GMPS: variants seen among roughly 807,000 people sequenced by gnomAD.
The protein encoded by GMPS is guanosine monophosphate synthase, also known as GMP synthase [glutamine-hydrolyzing].
A neutral mutation model predicts 77.9 loss-of-function variants in GMPS; 15 were observed. The ratio of observed to expected loss-of-function variants is 0.19; its 90% confidence interval spans 0.13 to 0.30. The LOEUF is 0.30. GMPS is among the 10% of genes least tolerant of loss of function. The pLI is 1.00. For missense variants in GMPS, 590 were observed against 838.8 expected (o/e 0.70, Z 3.66); for synonymous variants, 224 against 275.9 (o/e 0.81, Z 1.86).
intron 8 of GMPS, among the ~76,000 whole-genome samples, chr3:155,915,238 G>GTTT (rs35664957): frequency 3.0e-5 from 4 of 133,182 alleles, no homozygotes; most frequent in Non-Finnish European, 3.2e-5. Context: ...CTTTGTTTTT[G>GTTT]TTTTTTTTTT....
At chr3:155,902,430 A>G (rs545505275) in intron 3 of GMPS, among the ~76,000 whole-genome samples, 1 of 152,330 alleles carries the variant, frequency 6.6e-6, no homozygotes, top group East Asian at 1.9e-4. Context: ...ACATTGTTAA[A>G]TGATTGGGAA....
At chr3:155,881,435 G>T (rs1304401267) in intron 1 of GMPS, among the ~76,000 whole-genome samples, 1 of 152,092 alleles carries the variant, frequency 6.6e-6, no homozygotes, top group Admixed American at 6.6e-5. Context: ...GCTTCCCAAA[G>T]TGCTGGGGTT....
At chr3:155,922,854 G>T (rs1409278428) in intron 11 of GMPS, among the ~76,000 whole-genome samples, 1 of 152,130 alleles carries the variant, frequency 6.6e-6, no homozygotes, top group Non-Finnish European at 1.5e-5. Context: ...AATGTGTGTG[G>T]TCTGAAAATT....
intron 12 of GMPS, among the ~76,000 whole-genome samples, chr3:155,926,812 G>A (rs1397497729): frequency 6.6e-6 from 1 of 151,966 alleles, no homozygotes. Flanking sequence ...ATCACCTGAG[G>A]TTGGAAGTTC....
intron 15 of GMPS, 71 bp from the exon 16 acceptor site, chr3:155,937,520 C>T (rs1281711532): frequency 1.4e-6 from 1 of 711,716 alleles, no homozygotes; most frequent in East Asian, 2.5e-5. Context: ...TTTCAAATTA[C>T]AAATGTAAGC....
In GMPS at chr3:155,910,949, G is replaced by C. The variant is rs952161375; in HGVS notation, c.720+64G>C. 86 of 1,215,984 alleles carry C rather than the reference G, an allele frequency of 7.1e-5. No homozygotes were observed. The East Asian group carries it at 9.4e-4, about 13-fold the overall frequency. 75.3% of individuals were successfully genotyped at this position (1,215,984 alleles called of 1,614,324 possible). ...CAATAATATTGGAATCCAGGAGTTA[G>C]AGTCCTCAACACAGCCCTTAAATGT... On this transcript the variant is annotated intron_variant, in intron 6 of 15. Transcript: ENST00000496455.
intron 5 of GMPS, among the ~76,000 whole-genome samples, chr3:155,907,778 G>A (rs1478696080): frequency 2.0e-5 from 3 of 152,148 alleles, no homozygotes; most frequent in Non-Finnish European, 1.5e-5. Context: ...GGCTATTCAG[G>A]GAAGGCATTC....
At chr3:155,929,277 C>T (rs1039563064) in intron 12 of GMPS, among the ~76,000 whole-genome samples, 1 of 152,026 alleles carries the variant, frequency 6.6e-6, no homozygotes, top group South Asian at 2.1e-4. Context: ...TTGCATTTCT[C>T]TGATGGCCAG....
At chr3:155,870,538 G>T (rs1753875311), upstream of GMPS, 1 of 266,072 alleles carries the variant, frequency 3.8e-6, no homozygotes, top group Non-Finnish European at 7.2e-6. Context: ...CTCCTCTCGA[G>T]GGCCGGCCGG....
Position 155,916,011 on chromosome 3 carries a change from G to T in GMPS, c.1039-8G>T. On this transcript the variant is annotated splice_polypyrimidine_tract_variant and splice_region_variant and intron_variant, in intron 8 of 15. Transcript: ENST00000496455. ...CTTACAAGGCTGTTTTACTCCTGTT[G>T]ATTATAGATTGCCAATGAAGTAATT... The T allele has an allele frequency of 6.2e-7, 1 of 1,607,166 alleles. No homozygotes were observed. The highest frequency in any genetic ancestry group is 8.5e-7 in the Non-Finnish European group (1 of 1,175,278).
At chr3:155,874,069 T>C (rs1753970972) in intron 1 of GMPS, among the ~76,000 whole-genome samples, 1 of 152,214 alleles carries the variant, frequency 6.6e-6, no homozygotes, top group Non-Finnish European at 1.5e-5. Flanking sequence ...CCAAAGTCCA[T>C]TGTGTCATTC....
chr3:155,887,449 A>G (rs1754363980), intron 1 of GMPS, among the ~76,000 whole-genome samples: 1 of 152,216 alleles, frequency 6.6e-6, no homozygotes, highest in South Asian at 2.1e-4. Context: ...TCATGATACA[A>G]CAAAGAGATC....
At chr3:155,877,379 T>C (rs1754076383) in intron 1 of GMPS, among the ~76,000 whole-genome samples, 1 of 152,164 alleles carries the variant, frequency 6.6e-6, no homozygotes, top group African/African-American at 2.4e-5. Context: ...TTTATTGAGA[T>C]ATAATTGACA....
chr3:155,879,263 G>A (rs1374555619), intron 1 of GMPS, among the ~76,000 whole-genome samples: 3 of 135,598 alleles, frequency 2.2e-5, no homozygotes, highest in South Asian at 2.3e-4. Context: ...TTCTGCACTT[G>A]TCTTTTTTTT....
chr3:155,872,023 AC>A (rs1273938089), intron 1 of GMPS, among the ~76,000 whole-genome samples: 2 of 152,178 alleles, frequency 1.3e-5, no homozygotes, highest in Non-Finnish European at 2.9e-5. Flanking sequence ...CCTCCTCTGT[AC>A]GCTGTTGAGG....
intron 11 of GMPS, 93 bp from the exon 12 acceptor site, chr3:155,925,148 A>C (rs2108130377): frequency 8.6e-7 from 1 of 1,161,348 alleles, no homozygotes. Flanking sequence ...CCACTGCTAA[A>C]AACCAGTAAA....
In GMPS at chr3:155,943,989, C is replaced by T. The variant is rs187384604; in HGVS notation, c.*6297C>T. On this transcript the variant is annotated 3_prime_UTR_variant, in exon 16 of 16. Coordinates refer to ENST00000496455, the MANE Select transcript of GMPS (RefSeq NM_003875.3). ...AGCTAAAGGTGTGCGTATACACATG[C>T]ACTTATAAAATTAAAGTCATATATG... 2.0e-5 allele frequency: 3 copies of T among 152,220 alleles called. No homozygotes were observed. The highest frequency in any genetic ancestry group is 7.2e-5 in the African/African-American group (3 of 41,530). The allele number at this position is 152,220 out of a possible 1,614,324, so 9.4% of individuals were successfully genotyped here.
intron 12 of GMPS, 90 bp from the exon 13 acceptor site, chr3:155,931,675 T>G: frequency 1.9e-6 from 1 of 521,634 alleles, no homozygotes; most frequent in Non-Finnish European, 3.3e-6. Flanking sequence ...CATCTTTTCT[T>G]TTTTTTTTAA....
chr3:155,903,758 A>C, intron 3 of GMPS, 105 bp from the exon 4 acceptor site: 1 of 543,954 alleles, frequency 1.8e-6, no homozygotes, highest in South Asian at 3.1e-5. Context: ...GGATACAGGT[A>C]TATCAGGTAT....
Sources: gnomAD v4.1 joint callset for allele counts (sites outside exome capture counted in the v4.1 genomes callset) on GRCh38, gnomAD v4.1.1 for gene constraint, MANE v1.5 for transcripts, NCBI Gene and HGNC (gene_info 2026-07-23, HGNC 2026-07-21) for gene names.